Variants in ITSN1 observed in about 807,000 individuals in gnomAD.
The protein encoded by ITSN1 is intersectin 1.
Under a neutral mutation model 239.8 loss-of-function variants are expected in ITSN1, and 58 were observed. That is an observed-to-expected ratio of 0.24 (90% CI 0.20 to 0.30). The LOEUF (loss-of-function observed/expected upper bound fraction) is 0.30, where lower values mean the gene tolerates loss of function less well. Among genes scored for constraint, ITSN1 ranks in the 10% least tolerant of loss-of-function variants. The probability of loss-of-function intolerance (pLI) is 1.00; values close to 1 mark genes in which losing one functional copy is unlikely to be tolerated. For missense variants in ITSN1, 1,558 were observed against 2,103.3 expected (o/e 0.74, Z 5.07); for synonymous variants, 780 against 770.8 (o/e 1.01, Z -0.20).
intron 1 of ITSN1, among the ~76,000 whole-genome samples, chr21:33,677,277 G>T (rs2090651356): frequency 6.6e-6 from 1 of 151,984 alleles, no homozygotes; most frequent in African/African-American, 2.4e-5. Context: ...CAGCTGTCTA[G>T]TAGGCAGATC....
intron 1 of ITSN1, among the ~76,000 whole-genome samples, chr21:33,664,219 CA>C (rs752493132): frequency 7.9e-5 from 12 of 152,178 alleles, no homozygotes; most frequent in Non-Finnish European, 1.0e-4. Context: ...GTGAGGTCCT[CA>C]GGTTGCTTTC....
intron 5 of ITSN1, among the ~76,000 whole-genome samples, chr21:33,735,807 A>ATGGC (rs1307233246): frequency 6.6e-6 from 1 of 152,084 alleles, no homozygotes. Context: ...GTTCGAGACC[A>ATGGC]GCCTGGTCAA....
chr21:33,680,624 C>T (rs1376053030), intron 1 of ITSN1, among the ~76,000 whole-genome samples: 3 of 152,210 alleles, frequency 2.0e-5, no homozygotes, highest in East Asian at 1.9e-4. Context: ...AGCCGATGTG[C>T]GTGGCCTGGT....
chr21:33,694,600 C>A (rs1218061295), intron 1 of ITSN1, among the ~76,000 whole-genome samples: 2 of 152,118 alleles, frequency 1.3e-5, no homozygotes, highest in African/African-American at 4.8e-5. Context: ...GCGGGCAGAT[C>A]ACCTGAGGTC....
intron 1 of ITSN1, chr21:33,689,432 T>A (rs764641178): frequency 6.6e-6 from 1 of 152,036 alleles, no homozygotes; most frequent in African/African-American, 2.4e-5. Flanking sequence ...CCCAGCACTT[T>A]TTGGGAGCTG....
At chr21:33,869,172 G>A (rs532019183) in intron 33 of ITSN1, among the ~76,000 whole-genome samples, 9 of 152,290 alleles carry the variant, frequency 5.9e-5, no homozygotes, top group Non-Finnish European at 1.0e-4. Context: ...TCACACTGTT[G>A]TAAAGGACTG....
intron 1 of ITSN1, chr21:33,643,722 C>T (rs1180915162): frequency 2.0e-5 from 3 of 152,184 alleles, no homozygotes; most frequent in African/African-American, 7.2e-5. Context: ...AATTTAGATA[C>T]ATGCAGGCTC....
chr21:33,886,537 G>A, intron 39 of ITSN1, 77 bp downstream of exon 39: 1 of 1,282,626 alleles, frequency 7.8e-7, no homozygotes, highest in Non-Finnish European at 1.1e-6. Context: ...TCTTACCTGG[G>A]GACTTGGTGC....
At chr21:33,680,187 TG>T (rs949369781) in intron 1 of ITSN1, among the ~76,000 whole-genome samples, 2 of 152,084 alleles carry the variant, frequency 1.3e-5, no homozygotes, top group African/African-American at 4.8e-5. Flanking sequence ...GGGGAAGCAG[TG>T]GGGGTTTTAT....
rs1031014755 is a variant in ITSN1 at position 33,899,845 on chromosome 21, A to G, written c.*11545A>G. 6.6e-6 allele frequency: 1 copy of G among 152,222 alleles called. No individual in the cohort carries two copies. The highest frequency in any genetic ancestry group is 1.5e-5 in the Non-Finnish European group (1 of 68,030). 9.4% of individuals were successfully genotyped at this position (152,222 alleles called of 1,614,324 possible). A position where few individuals can be genotyped will look rare whatever the true frequency, so the allele number is the denominator to read the frequency against. ...GTTTAAATTCAAATAGTTCATGAAT[A>G]AAAGGAGAAAAGCCAATCTGTTATA... On this transcript the variant is annotated 3_prime_UTR_variant, in exon 40 of 40. Coordinates refer to ENST00000381318, the MANE Select transcript of ITSN1 (RefSeq NM_003024.3).
chr21:33,688,005 TTATC>T (rs1427388098), intron 1 of ITSN1, among the ~76,000 whole-genome samples: 5 of 152,184 alleles, frequency 3.3e-5, no homozygotes, highest in African/African-American at 4.8e-5. Context: ...ATTACCTACT[TTATC>T]TAAGATTTCA....
chr21:33,642,964 C>CGGTGGGCCGT (rs1315992330), intron 1 of ITSN1, among the ~76,000 whole-genome samples: 2 of 150,280 alleles, frequency 1.3e-5, no homozygotes, highest in Non-Finnish European at 3.0e-5. Flanking sequence ...CCGGGGGCCG[C>CGGTGGGCCGT]GGTGGGCCGT....
At chr21:33,792,441 C>T (rs1298764723) in intron 16 of ITSN1, among the ~76,000 whole-genome samples, 1 of 152,048 alleles carries the variant, frequency 6.6e-6, no homozygotes, top group Non-Finnish European at 1.5e-5. Context: ...TAAGTATAGT[C>T]TTTTGCTGTA....
At chr21:33,768,666 TGAG>T (rs997027952) in intron 11 of ITSN1, among the ~76,000 whole-genome samples, 16 of 152,302 alleles carry the variant, frequency 1.1e-4, no homozygotes, top group African/African-American at 3.8e-4. Context: ...TTATTAATGA[TGAG>T]ATGATAATGA....
At chr21:33,877,610 T>G (rs990113203) in intron 34 of ITSN1, among the ~76,000 whole-genome samples, 5 of 152,156 alleles carry the variant, frequency 3.3e-5, no homozygotes, top group Non-Finnish European at 7.4e-5. Flanking sequence ...CTCCTCTGGG[T>G]TCATCTTTTT....
chr21:33,841,066 A>C (rs916882845), intron 29 of ITSN1, among the ~76,000 whole-genome samples: 1 of 152,138 alleles, frequency 6.6e-6, no homozygotes, highest in African/African-American at 2.4e-5. Context: ...CTCTGCATAA[A>C]AGGGTGTCTG....
At chr21:33,781,577 T>C (rs576020747) in intron 15 of ITSN1, 29 bp downstream of exon 15, 2 of 1,258,828 alleles carry the variant, frequency 1.6e-6, no homozygotes, top group Admixed American at 2.3e-5. Context: ...AAGTTGACCT[T>C]TTCTTTATTC....
intron 5 of ITSN1, among the ~76,000 whole-genome samples, chr21:33,749,058 G>A (rs1264173655): frequency 6.8e-6 from 1 of 147,960 alleles, no homozygotes; most frequent in African/African-American, 2.5e-5. Flanking sequence ...GTGTGATTGT[G>A]GCTCACTGTA....
chr21:33,678,706 T>A (rs923180361), intron 1 of ITSN1, among the ~76,000 whole-genome samples: 2 of 152,126 alleles, frequency 1.3e-5, no homozygotes, highest in African/African-American at 4.8e-5. Context: ...TTTTTGTTGT[T>A]GTTGTTGTTT....
Sources: allele counts gnomAD v4.1 joint callset (sites outside exome capture counted in the v4.1 genomes callset), GRCh38; gene constraint gnomAD v4.1.1; transcripts MANE v1.5; gene names NCBI Gene and HGNC (gene_info 2026-07-23, HGNC 2026-07-21).